PPP1R14C: variants seen among roughly 807,000 people sequenced by gnomAD.
PPP1R14C encodes protein phosphatase 1 regulatory inhibitor subunit 14C, also known as protein phosphatase 1 regulatory subunit 14C.
Under a neutral mutation model 20.4 loss-of-function variants are expected in PPP1R14C, and 16 were observed. That is an observed-to-expected ratio of 0.78 (90% CI 0.53 to 1.19). The LOEUF (loss-of-function observed/expected upper bound fraction) is 1.19. Among genes scored for constraint, PPP1R14C ranks in the 50% most tolerant of loss-of-function variants. The pLI, the probability that PPP1R14C is intolerant of heterozygous loss-of-function variation, is 0.00. For synonymous variants in PPP1R14C, 91 were observed against 91.0 expected, an observed-to-expected ratio of 1.00 and a Z score of 0.00; for missense variants, 211 against 220.1, an observed-to-expected ratio of 0.96 and a Z score of 0.26.
intron 2 of PPP1R14C, 125 bp from the exon 3 acceptor site, chr6:150,216,699 A>C: frequency 1.5e-6 from 1 of 687,048 alleles, no homozygotes; most frequent in Non-Finnish European, 2.5e-6. Flanking sequence ...GTTTCTAGAT[A>C]GTATGAAATC....
At chr6:150,153,728 AAAG>A (rs1185290444) in intron 1 of PPP1R14C, among the ~76,000 whole-genome samples, 29 of 152,356 alleles carry the variant, frequency 1.9e-4, no homozygotes, top group African/African-American at 5.5e-4. Context: ...AGCTTAGAAA[AAAG>A]AAGACCAGAA....
At chr6:150,188,902 A>G (rs952981774) in intron 1 of PPP1R14C, among the ~76,000 whole-genome samples, 1 of 151,370 alleles carries the variant, frequency 6.6e-6, no homozygotes, top group East Asian at 1.9e-4. Flanking sequence ...TCTGTCACCC[A>G]GGCTGGAGTG....
chr6:150,182,674 G>T (rs554365722), intron 1 of PPP1R14C, among the ~76,000 whole-genome samples: 2 of 152,328 alleles, frequency 1.3e-5, no homozygotes, highest in African/African-American at 2.4e-5. Flanking sequence ...TAACGTTATT[G>T]TGAAGATTAA....
intron 1 of PPP1R14C, among the ~76,000 whole-genome samples, chr6:150,189,008 G>A (rs746786958): frequency 9.9e-5 from 15 of 151,550 alleles, no homozygotes; most frequent in Admixed American, 1.3e-4. Context: ...ACAGGTGTGC[G>A]CCACCATGCC....
chr6:150,225,744 C>CA (rs1778223331), intron 3 of PPP1R14C, among the ~76,000 whole-genome samples: 2 of 152,106 alleles, frequency 1.3e-5, no homozygotes, highest in Non-Finnish European at 2.9e-5. Context: ...TGTAATTTGC[C>CA]TAAATTCACA....
intron 1 of PPP1R14C, among the ~76,000 whole-genome samples, chr6:150,149,443 ATTTTTTTTTTTCTTTTTTTTTTT>A (rs1430673317): frequency 2.5e-5 from 3 of 119,940 alleles, no homozygotes; most frequent in Non-Finnish European, 5.1e-5. Flanking sequence ...CTCCCACCTA[ATTTTTTTTTTTCTTTTTTTTTTT>A]TTTTTTTTTT....
Position 150,249,732 on chromosome 6 carries a change from TCAAAAGAAAGTTAG to T in PPP1R14C, c.*915_*928del, listed in dbSNP as rs1276261637. The T allele has an allele frequency of 2.3e-5, 9 of 396,136 alleles. No homozygotes were observed. Among genetic ancestry groups the T allele is most frequent in the African/African-American group, 1.8e-4 (9 of 48,702 alleles). The allele number at this position is 396,136 out of a possible 1,614,324, so 24.5% of individuals were successfully genotyped here. On this transcript the variant is annotated 3_prime_UTR_variant, in exon 4 of 4. Transcript: ENST00000361131. ...TTTATTCTCTCTCCAGGAAAGCAGA[TCAAAAGAAAGTTAG>T]CAGATCGAGTGTCTTCTTCCTTAGA...
At chr6:150,174,436 T>C (rs1339366713) in intron 1 of PPP1R14C, among the ~76,000 whole-genome samples, 1 of 151,870 alleles carries the variant, frequency 6.6e-6, no homozygotes, top group South Asian at 2.1e-4. Context: ...CAGGATGGTC[T>C]CGATCTCCTG....
intron 1 of PPP1R14C, chr6:150,194,971 T>C (rs1777785475): frequency 1.0e-6 from 1 of 985,198 alleles, no homozygotes; most frequent in African/African-American, 1.7e-5. Context: ...AGGCAAAAGT[T>C]ATAAAAAGAA....
chr6:150,199,357 G>A (rs1777849025), intron 1 of PPP1R14C, among the ~76,000 whole-genome samples: 1 of 152,184 alleles, frequency 6.6e-6, no homozygotes, highest in Admixed American at 6.5e-5. Context: ...CCCTTTAAGA[G>A]GTGATTAGGC....
At chr6:150,231,840 T>C (rs934513267) in intron 3 of PPP1R14C, among the ~76,000 whole-genome samples, 24 of 152,224 alleles carry the variant, frequency 1.6e-4, no homozygotes, top group African/African-American at 5.5e-4. Flanking sequence ...TATTACTGTA[T>C]AGTATTTCTT....
chr6:150,210,959 CA>C (rs1218824603), intron 1 of PPP1R14C, among the ~76,000 whole-genome samples: 2 of 152,202 alleles, frequency 1.3e-5, no homozygotes, highest in Non-Finnish European at 2.9e-5. Flanking sequence ...TTTCTACACC[CA>C]CATTTAGAAT....
chr6:150,149,251 G>GATTAGGCAATTTCCTTC lies in PPP1R14C; in HGVS notation c.306+5755_306+5771dup, dbSNP rs574910929. On this transcript the variant is annotated intron_variant, in intron 1 of 3. Coordinates refer to ENST00000361131, the MANE Select transcript of PPP1R14C (RefSeq NM_030949.3). ...GCCCTGTCATTCAGTGGGTATATGT[G>GATTAGGCAATTTCCTTC]ATTAGGCAATTTCCTTCACCCCTCT... Among the ~76,000 whole-genome samples, 4 of 152,028 alleles carry GATTAGGCAATTTCCTTC rather than the reference G, an allele frequency of 2.6e-5. No homozygotes were observed. In the East Asian group the frequency reaches 7.7e-4, roughly 29 times the overall value.
intron 1 of PPP1R14C, among the ~76,000 whole-genome samples, chr6:150,181,944 C>T (rs1039083531): frequency 3.3e-4 from 51 of 152,274 alleles, no homozygotes; most frequent in African/African-American, 1.1e-3. Context: ...CTTCTTCGTC[C>T]GTAGCAGCTG....
chr6:150,192,105 T>C (rs1445592218), intron 1 of PPP1R14C, among the ~76,000 whole-genome samples: 1 of 152,214 alleles, frequency 6.6e-6, no homozygotes, highest in Non-Finnish European at 1.5e-5. Flanking sequence ...ATGCATGAGA[T>C]TTGATTGGCT....
chr6:150,150,614 C>T (rs1201235314), intron 1 of PPP1R14C, among the ~76,000 whole-genome samples: 1 of 152,160 alleles, frequency 6.6e-6, no homozygotes, highest in Non-Finnish European at 1.5e-5. Flanking sequence ...CATGCTTTGG[C>T]CACATGGTTT....
Position 150,230,603 on chromosome 6 carries a change from C to T in PPP1R14C, c.423+13747C>T, listed in dbSNP as rs189111526. Among the ~76,000 whole-genome samples, 64 of 152,218 alleles carry T rather than the reference C, an allele frequency of 4.2e-4. 1 individual carries two copies. Among genetic ancestry groups the T allele is most frequent in the Admixed American group, 3.8e-3 (58 of 15,286 alleles). On this transcript the variant is annotated intron_variant, in intron 3 of 3. Coordinates refer to ENST00000361131, the MANE Select transcript of PPP1R14C (RefSeq NM_030949.3). ...TTTTTGGAAAAGCTGGGTGAGCATCCGCAGTTCTTCTGGGCACCCTTTATT... is the reference window on the plus strand; with the variant it reads ...TTTTTGGAAAAGCTGGGTGAGCATCTGCAGTTCTTCTGGGCACCCTTTATT...
At chr6:150,216,768 A>G in intron 2 of PPP1R14C, 56 bp from the exon 3 acceptor site, 1 of 1,247,646 alleles carries the variant, frequency 8.0e-7, no homozygotes, top group Non-Finnish European at 1.1e-6. Flanking sequence ...TTTTGCCTTA[A>G]AAATAATGCT....
chr6:150,166,670 T>C (rs975488753), intron 1 of PPP1R14C, among the ~76,000 whole-genome samples: 1 of 152,150 alleles, frequency 6.6e-6, no homozygotes, highest in African/African-American at 2.4e-5. Flanking sequence ...CTGAAGCCTT[T>C]TGAGGCCACT....
Sources: gnomAD v4.1 joint callset for allele counts (sites outside exome capture counted in the v4.1 genomes callset) on GRCh38, gnomAD v4.1.1 for gene constraint, MANE v1.5 for transcripts, NCBI Gene and HGNC (gene_info 2026-07-23, HGNC 2026-07-21) for gene names.